Variants in CC2D1A observed in about 807,000 individuals in gnomAD.
CC2D1A encodes the protein coiled-coil and C2 domain-containing protein 1A.
A neutral mutation model predicts 123.8 loss-of-function variants in CC2D1A; 68 were observed. The observed-to-expected ratio is 0.55, with a 90% CI of 0.45 to 0.67. CC2D1A has a LOEUF of 0.67. CC2D1A is among the 30% of genes least tolerant of loss of function. The pLI, the probability that CC2D1A is intolerant of heterozygous loss-of-function variation, is 0.00. For synonymous variants in CC2D1A, 477 were observed against 528.0 expected, an observed-to-expected ratio of 0.90 and a Z score of 1.32; for missense variants, 1,185 against 1,290.3, an observed-to-expected ratio of 0.92 and a Z score of 1.25.
intron 25 of CC2D1A, 24 bp from the exon 26 acceptor site, chr19:13,929,510 C>A: frequency 6.2e-7 from 1 of 1,612,486 alleles, no homozygotes; most frequent in Non-Finnish European, 8.5e-7. Flanking sequence ...GCAGGATCCT[C>A]ACAGGACCCT....
At chr19:13,917,696 A>C (rs1179827373) in intron 6 of CC2D1A, among the ~76,000 whole-genome samples, 1 of 151,856 alleles carries the variant, frequency 6.6e-6, no homozygotes, top group Non-Finnish European at 1.5e-5. Flanking sequence ...AAATACATTA[A>C]AGCCAGGCGC....
chr19:13,922,458 A>G (rs1421893714), intron 14 of CC2D1A, among the ~76,000 whole-genome samples: 1 of 152,014 alleles, frequency 6.6e-6, no homozygotes, highest in Non-Finnish European at 1.5e-5. Flanking sequence ...ACTTTCTCCC[A>G]TCATTAGGTC....
chr19:13,924,023 A>G (rs775973966), intron 17 of CC2D1A, among the ~76,000 whole-genome samples: 3 of 152,104 alleles, frequency 2.0e-5, no homozygotes, highest in Non-Finnish European at 4.4e-5. Context: ...CATTTGGGAA[A>G]GATCTAGAGA....
At chr19:13,913,060 G>A (rs2145309448) in intron 4 of CC2D1A, 108 bp from the exon 5 acceptor site, 2 of 1,200,968 alleles carry the variant, frequency 1.7e-6, no homozygotes, top group African/African-American at 1.5e-5. Context: ...ACTGGGGCAG[G>A]GGAGGCTGGT....
rs1271273983 is a variant in CC2D1A, at chr19:13,913,308, T to TG, written c.513+9dup. The TG allele has an allele frequency of 6.2e-7, 1 of 1,602,422 alleles. No individual in the cohort carries two copies. The highest frequency in any genetic ancestry group is 1.1e-5 in the South Asian group (1 of 90,614). ...GCTACGATCGGGGGCTTAAAGTAAG[T>TG]GGGCAGAGGGCAGGGTACAGGGACC... is the stretch of plus-strand genomic sequence containing the variant. On this transcript the variant is annotated splice_region_variant and intron_variant, in intron 5 of 28. Coordinates refer to ENST00000318003, the MANE Select transcript of CC2D1A (RefSeq NM_017721.5).
chr19:13,920,570 T>C lies in CC2D1A; in HGVS notation c.1370T>C (p.Val457Ala), dbSNP rs1971374214. The change falls in exon 13 of 29, where the codon GTG (valine) becomes GCG (alanine). Residue 457 changes from valine (V) to alanine (A), a missense_variant. Val to Ala is a moderately conservative substitution (Grantham distance 64). Transcript: ENST00000318003. ...CTTCCTCTACAGCAGAACAGCCCTG[T>C]GGCCCCCACAGCCCAGCCCAAAGCC... ...DEVPKKQNSP[V>A]APTAQPKAPP... 2 of 1,597,250 alleles carry C rather than the reference T, an allele frequency of 1.3e-6. No individual in the cohort carries two copies. The highest frequency in any genetic ancestry group is 4.5e-5 in the East Asian group (2 of 44,630).
At chr19:13,914,903 C>A (rs776090816) in intron 6 of CC2D1A, among the ~76,000 whole-genome samples, 2 of 152,358 alleles carry the variant, frequency 1.3e-5, no homozygotes, top group South Asian at 4.1e-4. Context: ...GAAAGGAAGG[C>A]CTCCCTCCCT....
Position 13,925,957 on chromosome 19 carries a change from TATAC to T in CC2D1A, c.1941-558_1941-555del, listed in dbSNP as rs1412313314. 3.1e-3 allele frequency among the ~76,000 whole-genome samples: 395 copies of T among 127,404 alleles called. 11 individuals carry two copies. Among genetic ancestry groups the T allele is most frequent in the African/African-American group, 0.013 (373 of 29,156 alleles). The allele number at this position is 127,404 out of a possible 152,430, so 83.6% of individuals were successfully genotyped here. ...AAATATATATATATATATATATATA[TATAC>T]ACGTATATATATGTGTATATATATA... On this transcript the variant is annotated intron_variant, in intron 17 of 28. Coordinates refer to ENST00000318003, the MANE Select transcript of CC2D1A (RefSeq NM_017721.5).
At chr19:13,927,864 AC>A in intron 22 of CC2D1A, 28 bp from the exon 23 acceptor site, 2 of 1,603,938 alleles carry the variant, frequency 1.2e-6, no homozygotes, top group Non-Finnish European at 1.7e-6. Flanking sequence ...CCTGCTTCCC[AC>A]CAACAGTTTC....
At chr19:13,910,472 T>C (rs1349526652) in intron 2 of CC2D1A, among the ~76,000 whole-genome samples, 1 of 151,370 alleles carries the variant, frequency 6.6e-6, no homozygotes, top group African/African-American at 2.4e-5. Context: ...ATCCGAGCTC[T>C]GCCACTTACT....
chr19:13,927,908 C>T lies in CC2D1A; in HGVS notation c.2332C>T (p.Arg778Trp), dbSNP rs765614427. The change falls in exon 23 of 29, where the codon CGG becomes TGG. Residue 778 changes from arginine (R) to tryptophan (W), a missense_variant. Transcript: ENST00000318003. ...CCCCACCCAGGTCCTGGATGGTCGCCGGCCCACAGGGGGGCGACTGGAGGT... is the reference window on the plus strand; with the variant it reads ...CCCCACCCAGGTCCTGGATGGTCGCTGGCCCACAGGGGGGCGACTGGAGGT... ...REILEVLDGR[R>W]PTGGRLEVMV... 1.1e-5 allele frequency: 18 copies of T among 1,613,358 alleles called. No individual in the cohort carries two copies. Among genetic ancestry groups the T allele is most frequent in the African/African-American group, 6.7e-5 (5 of 74,890 alleles).
intron 22 of CC2D1A, 85 bp downstream of exon 22, chr19:13,927,350 C>G: frequency 8.6e-7 from 1 of 1,165,638 alleles, no homozygotes; most frequent in South Asian, 1.3e-5. Flanking sequence ...CTTGAGCCCT[C>G]TATGAGCCTG....
At position 13,909,819 on chromosome 19, in the gene CC2D1A, C is replaced by G. The variant is rs1427514563; in HGVS notation, c.61-4C>G. 1.3e-6 allele frequency: 2 copies of G among 1,589,424 alleles called. No homozygotes were observed. The highest frequency in any genetic ancestry group is 1.1e-5 in the South Asian group (1 of 88,970). On this transcript the variant is annotated splice_region_variant and splice_polypyrimidine_tract_variant and intron_variant, in intron 1 of 28. Coordinates refer to ENST00000318003, the MANE Select transcript of CC2D1A (RefSeq NM_017721.5). ...GTCTGACTGAACCCTTGCTGTTCCC[C>G]TAGCTGGGCCTGCTGGTTGACCTCT...
chr19:13,927,019 C>A lies in CC2D1A; in HGVS notation c.2167C>A (p.Arg723Ser), dbSNP rs376979936. The change falls in exon 21 of 29, where the codon CGT (arginine) becomes AGT (serine). Residue 723 changes from arginine (R) to serine (S), a missense_variant. By Grantham distance (110) the Arg-to-Ser change is moderately radical. Coordinates refer to ENST00000318003, the MANE Select transcript of CC2D1A (RefSeq NM_017721.5). ...CAAACTCTGCATCAACCGCAGCCAC[C>A]GTGGCTTCCGAAGGGCCATCCAGAC... ...QFKLCINRSH[R>S]GFRRAIQTKG... 1.2e-6 allele frequency: 2 copies of A among 1,613,950 alleles called. No individual in the cohort carries two copies. Among genetic ancestry groups the A allele is most frequent in the Admixed American group, 1.7e-5 (1 of 59,978 alleles).
rs1441324336 is a variant in CC2D1A at position 13,927,054 on chromosome 19, C to A, written c.2202C>A (p.Ile734=). 2 of 1,614,116 alleles carry A rather than the reference C, an allele frequency of 1.2e-6. No individual in the cohort carries two copies. Among genetic ancestry groups the A allele is most frequent in the Non-Finnish European group, 8.5e-7 (1 of 1,180,012 alleles). ...GAAGGGCCATCCAGACCAAGGGCAT[C>A]AAGTTCGAAGTGGTTCACAAGGGGT... ...GFRRAIQTKG[I]KFEVVHKGGL... Residue 734 remains isoleucine, a synonymous_variant, in exon 21 of 29, where the codon ATC becomes ATA. Transcript: ENST00000318003.
At chr19:13,919,307 C>G in intron 11 of CC2D1A, 105 bp downstream of exon 11, 1 of 868,554 alleles carries the variant, frequency 1.2e-6, no homozygotes, top group Non-Finnish European at 1.8e-6. Context: ...TCCTGTTCCT[C>G]CAGCCTCTGA....
At position 13,930,652 on chromosome 19, in the gene CC2D1A, C is replaced by G; in HGVS notation, c.*257C>G. 1 of 515,320 alleles carries G rather than the reference C, an allele frequency of 1.9e-6. No homozygotes were observed. Among genetic ancestry groups the G allele is most frequent in the Non-Finnish European group, 3.4e-6 (1 of 293,930 alleles). 31.9% of individuals were successfully genotyped at this position (515,320 alleles called of 1,614,324 possible). A position where few individuals can be genotyped will look rare whatever the true frequency, so the allele number is the denominator to read the frequency against. On this transcript the variant is annotated 3_prime_UTR_variant, in exon 29 of 29. Coordinates refer to ENST00000318003, the MANE Select transcript of CC2D1A (RefSeq NM_017721.5). The surrounding 1 kb of genome is among the most constrained non-coding windows in gnomAD (Gnocchi z 6.8). ...CCTGTTTGCACAGCCCAGGGGTGTC[C>G]GGCCTCTGGCCCGCCCCGGAGCAGG... is the stretch of plus-strand genomic sequence containing the variant.
chr19:13,913,451 C>G lies in CC2D1A; in HGVS notation c.561C>G (p.Asp187Glu). 1.2e-6 allele frequency: 2 copies of G among 1,614,216 alleles called. No homozygotes were observed. The highest frequency in any genetic ancestry group is 1.7e-6 in the Non-Finnish European group (2 of 1,180,044). The change falls in exon 6 of 29, where the codon GAC (aspartate) becomes GAG (glutamate). Residue 187 changes from aspartate (D) to glutamate (E), a missense_variant. Asp to Glu is a conservative substitution (Grantham distance 45). Coordinates refer to ENST00000318003, the MANE Select transcript of CC2D1A (RefSeq NM_017721.5). ...CCATCCGTAAGGGCAATGCCATTGACGAAGCGGACATCCCGCCGCCAGTGG... is the reference window on the plus strand; with the variant it reads ...CCATCCGTAAGGGCAATGCCATTGAGGAAGCGGACATCCCGCCGCCAGTGG... ...LASIRKGNAI[D>E]EADIPPPVAI...
rs571041694 is a variant in CC2D1A at position 13,930,468 on chromosome 19, C to T, written c.*73C>T. 2.0e-5 allele frequency: 29 copies of T among 1,468,636 alleles called. No homozygotes were observed. The South Asian group carries it at 2.5e-4, about 13-fold the overall frequency. The allele number at this position is 1,468,636 out of a possible 1,614,324, so 91.0% of individuals were successfully genotyped here. A position where few individuals can be genotyped will look rare whatever the true frequency, so the allele number is the denominator to read the frequency against. ...ATACCGGGAAGAGCCGACACAGCCA[C>T]GAACCAGACAAGCAGACAATCAGCG... On this transcript the variant is annotated 3_prime_UTR_variant, in exon 29 of 29. Transcript: ENST00000318003. This position sits in a 1 kb window ranked among gnomAD's most constrained non-coding sequence, Gnocchi z 6.8.
Sources: gnomAD v4.1 joint callset for allele counts (sites outside exome capture counted in the v4.1 genomes callset) on GRCh38, gnomAD v4.1.1 for gene constraint, Gnocchi (gnomAD v3.1) non-coding constraint, MANE v1.5 for transcripts, NCBI Gene and HGNC (gene_info 2026-07-23, HGNC 2026-07-21) for gene names.